The following EYS variants were observed in gnomAD, a reference collection of about 807,000 sequenced individuals.
EYS encodes protein eyes shut homolog.
In EYS, 250 loss-of-function variants were observed where a neutral mutation model predicts 282.1. That is an observed-to-expected ratio of 0.89 (90% CI 0.80 to 0.98). EYS has a LOEUF of 0.98. Among genes scored for constraint, EYS ranks in the 50% least tolerant of loss-of-function variants. The pLI, the probability that EYS is intolerant of heterozygous loss-of-function variation, is 0.00. For synonymous variants in EYS, 1,355 were observed against 1,282.9 expected (o/e 1.06, Z -1.20); for missense variants, 4,016 against 3,709.0 (o/e 1.08, Z -2.15).
intron 16 of EYS, among the ~76,000 whole-genome samples, chr6:64,909,577 AT>A (rs1767929694): frequency 6.6e-6 from 1 of 152,034 alleles, no homozygotes; most frequent in Admixed American, 6.6e-5. Context: ...TTGCCTCCTC[AT>A]TTTCCTGTAG....
Position 64,228,634 on chromosome 6 carries a change from ATAGT to A in EYS, c.6424+1954_6424+1957del, listed in dbSNP as rs370722665. On this transcript the variant is annotated intron_variant, in intron 31 of 42. Coordinates refer to ENST00000503581, the MANE Select transcript of EYS (RefSeq NM_001142800.2). Reference sequence around the variant, plus strand: ...AAATATTATAAATTCAGCAAGAAAAATAGTTAAAAACTTAAGAAGTATAAAATGA... The same window carrying A: ...AAATATTATAAATTCAGCAAGAAAAATAAAAACTTAAGAAGTATAAAATGA... Among the ~76,000 whole-genome samples the A allele has an allele frequency of 2.9e-4, 44 of 152,280 alleles. No individual in the cohort carries two copies. In the South Asian group the frequency reaches 8.3e-3, roughly 29 times the overall value.
At chr6:65,187,978 G>A (rs1765552950) in intron 12 of EYS, among the ~76,000 whole-genome samples, 1 of 151,526 alleles carries the variant, frequency 6.6e-6, no homozygotes, top group Non-Finnish European at 1.5e-5. Flanking sequence ...TAAGACATTA[G>A]AGTAGCATTC....
chr6:64,461,304 A>G (rs538696927), intron 26 of EYS, among the ~76,000 whole-genome samples: 4 of 152,342 alleles, frequency 2.6e-5, no homozygotes, highest in African/African-American at 9.6e-5. Context: ...GCATTATATG[A>G]CATTCTTTCA....
At position 64,931,158 on chromosome 6, in the gene EYS, T is replaced by G. The variant is rs555147468; in HGVS notation, c.2381+14635A>C. On this transcript the variant is annotated intron_variant, in intron 15 of 42. Coordinates refer to ENST00000503581, the MANE Select transcript of EYS (RefSeq NM_001142800.2). The stretch of plus-strand genomic sequence containing the variant: ...GACACACAAATCAGCTAAATAGATT[T>G]GATATTCCATCAGACGTTCATTTAT... Among the ~76,000 whole-genome samples, 8 of 152,252 alleles carry G rather than the reference T, an allele frequency of 5.3e-5. No individual in the cohort carries two copies. In the South Asian group the frequency reaches 1.7e-3, roughly 32 times the overall value.
intron 2 of EYS, among the ~76,000 whole-genome samples, chr6:65,618,260 T>C (rs1278406667): frequency 2.6e-5 from 4 of 152,270 alleles, no homozygotes; most frequent in Non-Finnish European, 5.9e-5. Context: ...TGGTGTGAGA[T>C]GGTATCACAT....
intron 35 of EYS, among the ~76,000 whole-genome samples, chr6:63,865,266 G>T (rs2149710134): frequency 6.6e-6 from 1 of 152,282 alleles, no homozygotes; most frequent in South Asian, 2.1e-4. Flanking sequence ...GAAGAGCCTA[G>T]CTGAGAATAA....
At chr6:65,571,772 C>T (rs1359648860) in intron 2 of EYS, among the ~76,000 whole-genome samples, 1 of 151,890 alleles carries the variant, frequency 6.6e-6, no homozygotes, top group East Asian at 1.9e-4. Flanking sequence ...TTATAAAAAA[C>T]ATTTTTTAAA....
chr6:64,548,587 C>A (rs1484584055), intron 26 of EYS, among the ~76,000 whole-genome samples: 1 of 151,934 alleles, frequency 6.6e-6, no homozygotes, highest in Non-Finnish European at 1.5e-5. Flanking sequence ...GACAAAAAAC[C>A]AAACACCGCA....
chr6:63,986,018 A>G (rs6909706), intron 34 of EYS, among the ~76,000 whole-genome samples: 57,168 of 151,634 alleles, frequency 0.38, 11,037 homozygotes, highest in African/African-American at 0.46. Context: ...ATTTTTGCAA[A>G]CTATGCATCT....
In EYS at chr6:64,151,317, T is replaced by TTATATATATA. The variant is rs61575285; in HGVS notation, c.6425-69325_6425-69316dup. ...TTTTCACACGTGTGTGTGTGTATATTTATATATATATATATATATATATAT... is the reference window on the plus strand; with the variant it reads ...TTTTCACACGTGTGTGTGTGTATATTTATATATATATATATATATATATATATATATATAT... On this transcript the variant is annotated intron_variant, in intron 31 of 42. Transcript: ENST00000503581. Among the ~76,000 whole-genome samples the TTATATATATA allele has an allele frequency of 1.9e-3, 98 of 52,434 alleles. 1 individual carries two copies. The highest frequency in any genetic ancestry group is 3.6e-3 in the East Asian group (5 of 1,372). The allele number at this position is 52,434 out of a possible 152,430, so 34.4% of individuals were successfully genotyped here.
At chr6:65,417,805 C>T (rs750073431) in intron 5 of EYS, among the ~76,000 whole-genome samples, 3 of 151,984 alleles carry the variant, frequency 2.0e-5, no homozygotes, top group Non-Finnish European at 4.4e-5. Context: ...AGTCTAGAAA[C>T]ATTCCATCTC....
intron 1 of EYS, among the ~76,000 whole-genome samples, chr6:65,691,225 A>T (rs1277801758): frequency 6.7e-6 from 1 of 150,324 alleles, no homozygotes; most frequent in African/African-American, 2.4e-5. Flanking sequence ...CTATTTCTCC[A>T]CATTCTCTCC....
At chr6:65,239,915 T>C (rs1317854994) in intron 12 of EYS, among the ~76,000 whole-genome samples, 2 of 152,026 alleles carry the variant, frequency 1.3e-5, no homozygotes, top group African/African-American at 4.8e-5. Context: ...ATTAAACACC[T>C]GTACAGAAAA....
At chr6:65,064,469 A>T (rs1226084972) in intron 12 of EYS, among the ~76,000 whole-genome samples, 1 of 146,414 alleles carries the variant, frequency 6.8e-6, no homozygotes, top group African/African-American at 2.5e-5. Context: ...TATGATATAT[A>T]GTATATGATA....
At chr6:65,394,858 T>C (rs572902347) in intron 7 of EYS, among the ~76,000 whole-genome samples, 4 of 152,136 alleles carry the variant, frequency 2.6e-5, no homozygotes, top group Non-Finnish European at 5.9e-5. Flanking sequence ...CTACATGTTG[T>C]ATAGTTGTCT....
chr6:64,118,941 A>C (rs1773480584), intron 31 of EYS, among the ~76,000 whole-genome samples: 1 of 152,170 alleles, frequency 6.6e-6, no homozygotes, highest in African/African-American at 2.4e-5. Context: ...CATGTATCTG[A>C]AAAAATGTTC....
intron 5 of EYS, among the ~76,000 whole-genome samples, chr6:65,417,989 T>G (rs1767306058): frequency 6.6e-6 from 1 of 151,932 alleles, no homozygotes; most frequent in Non-Finnish European, 1.5e-5. Context: ...TCTCTTAATT[T>G]GAAGAAGCAG....
At chr6:65,004,438 C>A (rs944171519) in intron 13 of EYS, among the ~76,000 whole-genome samples, 7 of 147,560 alleles carry the variant, frequency 4.7e-5, no homozygotes, top group African/African-American at 1.7e-4. Flanking sequence ...ACAATAATTG[C>A]AGCCGCTGAA....
intron 33 of EYS, among the ~76,000 whole-genome samples, chr6:64,065,017 A>G (rs1319910488): frequency 6.6e-6 from 1 of 152,168 alleles, no homozygotes; most frequent in Non-Finnish European, 1.5e-5. Context: ...CCTTAGAGTA[A>G]TTTCATTGCC....
Sources: allele counts gnomAD v4.1 joint callset (sites outside exome capture counted in the v4.1 genomes callset), GRCh38; gene constraint gnomAD v4.1.1; transcripts MANE v1.5; gene names NCBI Gene and HGNC (gene_info 2026-07-23, HGNC 2026-07-21).